The following P2RX3 variants were observed in gnomAD, a reference collection of about 807,000 sequenced individuals.
P2RX3 encodes the protein P2X purinoceptor 3.
P2RX3 carries 41 observed loss-of-function variants against 51.5 expected under a neutral mutation model. That is an observed-to-expected ratio of 0.80 (90% CI 0.62 to 1.03). The LOEUF (loss-of-function observed/expected upper bound fraction) is 1.03, where lower values mean the gene tolerates loss of function less well. Among genes scored for constraint, P2RX3 ranks in the 50% least tolerant of loss-of-function variants. The pLI is 0.00. For missense variants in P2RX3, 459 were observed against 522.1 expected (o/e 0.88, Z 1.18); for synonymous variants, 185 against 191.6 (o/e 0.97, Z 0.29).
intron 5 of P2RX3, 161 bp downstream of exon 5, chr11:57,348,424 C>T (rs914315199): frequency 2.2e-5 from 16 of 737,112 alleles, no homozygotes; most frequent in Middle Eastern, 3.8e-4. Flanking sequence ...GTATCATCTT[C>T]CCCAGCCCAC....
chr11:57,346,378 C>T (rs895686165), intron 1 of P2RX3, among the ~76,000 whole-genome samples, 166 bp from the exon 2 acceptor site: 5 of 152,236 alleles, frequency 3.3e-5, no homozygotes, highest in African/African-American at 1.2e-4. Flanking sequence ...AAACGCTATT[C>T]TAAGTCAACC....
At chr11:57,338,785 C>CA (rs1856284815) in intron 1 of P2RX3, 116 bp downstream of exon 1, 2 of 690,076 alleles carry the variant, frequency 2.9e-6, no homozygotes, top group African/African-American at 3.5e-5. Flanking sequence ...CTGGGGGAAA[C>CA]AGTTTCTTCT....
intron 1 of P2RX3, among the ~76,000 whole-genome samples, chr11:57,344,497 G>A (rs904577357): frequency 6.6e-6 from 1 of 152,126 alleles, no homozygotes; most frequent in African/African-American, 2.4e-5. Flanking sequence ...CCAGGAGTTT[G>A]AGACCAGCCT....
intron 9 of P2RX3, 124 bp from the exon 10 acceptor site, chr11:57,368,248 C>G (rs1856827176): frequency 7.6e-7 from 1 of 1,320,834 alleles, no homozygotes; most frequent in Non-Finnish European, 1.1e-6. Context: ...ATCAATTCAC[C>G]TGTCCCGTGA....
upstream of P2RX3, among the ~76,000 whole-genome samples, chr11:57,337,046 C>T (rs1014958794): frequency 6.6e-6 from 1 of 152,110 alleles, no homozygotes; most frequent in Admixed American, 6.5e-5. Context: ...AATCCTAGCA[C>T]TTGGGGAGGC....
chr11:57,365,355 G>A (rs568863795), intron 8 of P2RX3, among the ~76,000 whole-genome samples: 4 of 152,356 alleles, frequency 2.6e-5, no homozygotes, highest in South Asian at 4.1e-4. Context: ...GGGAGTGAGG[G>A]GAGGAGCAAT....
intron 1 of P2RX3, among the ~76,000 whole-genome samples, chr11:57,339,891 G>C (rs1856307005): frequency 1.3e-5 from 2 of 152,154 alleles, no homozygotes; most frequent in South Asian, 2.1e-4. Flanking sequence ...TTTTTGCTCT[G>C]TGTGCTGGGC....
intron 8 of P2RX3, among the ~76,000 whole-genome samples, chr11:57,352,390 G>A (rs896748458): frequency 4.6e-5 from 7 of 152,154 alleles, no homozygotes; most frequent in Non-Finnish European, 8.8e-5. Context: ...CTCACTGGCA[G>A]AAATTGGCAT....
At chr11:57,363,845 C>T (rs774063709) in intron 8 of P2RX3, among the ~76,000 whole-genome samples, 11 of 152,146 alleles carry the variant, frequency 7.2e-5, no homozygotes, top group Non-Finnish European at 1.2e-4. Context: ...TCCCTCCACC[C>T]GGGAAGAGAA....
intron 8 of P2RX3, among the ~76,000 whole-genome samples, chr11:57,367,525 A>G (rs1211136329): frequency 6.6e-6 from 1 of 152,218 alleles, no homozygotes; most frequent in Non-Finnish European, 1.5e-5. Context: ...GTTCGAGACC[A>G]GACTGGCCAA....
rs1011597933 is a variant in P2RX3 at position 57,342,960 on chromosome 11, C to T, written c.120-3584C>T. Among the ~76,000 whole-genome samples the T allele has an allele frequency of 1.4e-4, 22 of 152,326 alleles. 1 individual carries two copies. Among genetic ancestry groups the T allele is most frequent in the East Asian group, 7.7e-4 (4 of 5,174 alleles). On this transcript the variant is annotated intron_variant, in intron 1 of 11. Transcript: ENST00000263314. ...TCCCACCTGCCAAGGAGCTGCCACA[C>T]GCCTTCCGCTCTATAAATAATAAAC... is the stretch of plus-strand genomic sequence containing the variant.
intron 8 of P2RX3, among the ~76,000 whole-genome samples, chr11:57,355,429 C>T (rs1490757106): frequency 6.7e-6 from 1 of 149,904 alleles, no homozygotes; most frequent in East Asian, 1.9e-4. Flanking sequence ...CAACCTCTAC[C>T]TCCCGGGTTG....
At chr11:57,346,378 C>G (rs895686165) in intron 1 of P2RX3, among the ~76,000 whole-genome samples, 166 bp from the exon 2 acceptor site, 1 of 152,236 alleles carries the variant, frequency 6.6e-6, no homozygotes, top group Non-Finnish European at 1.5e-5. Flanking sequence ...AAACGCTATT[C>G]TAAGTCAACC....
Position 57,338,374 on chromosome 11 carries a change from C to T in P2RX3, c.-177C>T. On this transcript the variant is annotated 5_prime_UTR_variant, in exon 1 of 12. Coordinates refer to ENST00000263314, the MANE Select transcript of P2RX3 (RefSeq NM_002559.5). ...CCTGGCCTCTTGGAAGCCAGAGTAT[C>T]AAGAGCAGAGAATCTCACTAGGATT... 4.2e-6 allele frequency: 2 copies of T among 481,894 alleles called. No homozygotes were observed. Among genetic ancestry groups the T allele is most frequent in the Non-Finnish European group, 7.6e-6 (2 of 264,166 alleles). The allele number at this position is 481,894 out of a possible 1,614,324, so 29.9% of individuals were successfully genotyped here.
chr11:57,367,154 C>T (rs768694467), intron 8 of P2RX3, among the ~76,000 whole-genome samples: 56 of 152,336 alleles, frequency 3.7e-4, no homozygotes, highest in Non-Finnish European at 5.1e-4. Flanking sequence ...ACACCCCTGA[C>T]GTGTGTGGTT....
In P2RX3 at chr11:57,368,507, G is replaced by A. The variant is rs868862374; in HGVS notation, c.1002+70G>A. 9 of 1,561,224 alleles carry A rather than the reference G, an allele frequency of 5.8e-6. No homozygotes were observed. In the Middle Eastern group the frequency reaches 6.7e-4, roughly 116 times the overall value. ...GCCCGGACTGGTACCAGCAGGCAGG[G>A]GAGTGACGGCGGCAAAACTCTGCCT... is the stretch of plus-strand genomic sequence containing the variant. On this transcript the variant is annotated intron_variant, in intron 10 of 11. Coordinates refer to ENST00000263314, the MANE Select transcript of P2RX3 (RefSeq NM_002559.5).
At chr11:57,344,098 A>T (rs909379026) in intron 1 of P2RX3, among the ~76,000 whole-genome samples, 1 of 152,248 alleles carries the variant, frequency 6.6e-6, no homozygotes, top group African/African-American at 2.4e-5. Flanking sequence ...GGCGGTATGC[A>T]TGAGAGCATT....
At chr11:57,349,933 T>C (rs1469495491) in intron 7 of P2RX3, 35 bp downstream of exon 7, 3 of 1,611,924 alleles carry the variant, frequency 1.9e-6, no homozygotes, top group East Asian at 2.2e-5. Context: ...GACCCCAAAC[T>C]CCCCACCTTC....
At chr11:57,363,077 T>C (rs1856745299) in intron 8 of P2RX3, among the ~76,000 whole-genome samples, 1 of 152,170 alleles carries the variant, frequency 6.6e-6, no homozygotes, top group Non-Finnish European at 1.5e-5. Flanking sequence ...AGTAAAAAGC[T>C]CAGAGAAGTC....
Sources: allele counts gnomAD v4.1 joint callset (sites outside exome capture counted in the v4.1 genomes callset), GRCh38; gene constraint gnomAD v4.1.1; transcripts MANE v1.5; gene names NCBI Gene and HGNC (gene_info 2026-07-23, HGNC 2026-07-21).